ALDH5A1: variants seen among roughly 807,000 people sequenced by gnomAD.
ALDH5A1 encodes aldehyde dehydrogenase 5 family member A1.
Under a neutral mutation model 54.7 loss-of-function variants are expected in ALDH5A1, and 33 were observed. The observed-to-expected ratio is 0.60, with a 90% CI of 0.46 to 0.81. ALDH5A1 has a LOEUF of 0.81. ALDH5A1 is among the 30% of genes least tolerant of loss of function. The probability of loss-of-function intolerance (pLI) is 0.00; values close to 1 mark genes in which losing one functional copy is unlikely to be tolerated. For missense variants in ALDH5A1, 657 were observed against 711.0 expected (o/e 0.92, Z 0.86); for synonymous variants, 294 against 292.7 (o/e 1.00, Z -0.05).
intron 5 of ALDH5A1, among the ~76,000 whole-genome samples, chr6:24,520,158 C>T (rs1759651356): frequency 6.6e-6 from 1 of 152,150 alleles, no homozygotes. Flanking sequence ...CCCACTTCAG[C>T]CTCTTAAGGT....
Position 24,495,103 on chromosome 6 carries a change from G to C in ALDH5A1, c.107G>C (p.Gly36Ala). 1 of 1,317,512 alleles carries C rather than the reference G, an allele frequency of 7.6e-7. No homozygotes were observed. The allele number at this position is 1,317,512 out of a possible 1,614,324, so 81.6% of individuals were successfully genotyped here. A position where few individuals can be genotyped will look rare whatever the true frequency, so the allele number is the denominator to read the frequency against. ...GCCGGCGGCCTGGTCCCTGCCTCCGGGCCTGCGCCCGGCCCGGCCCAGCTC... is the reference window on the plus strand; with the variant it reads ...GCCGGCGGCCTGGTCCCTGCCTCCGCGCCTGCGCCCGGCCCGGCCCAGCTC... The part of the protein sequence containing the change: ...PRAGGLVPAS[G>A]PAPGPAQLRC... Residue 36 changes from glycine (G) to alanine (A), a missense_variant, in exon 1 of 10, where the codon GGG becomes GCG. Gly to Ala is a moderately conservative substitution (Grantham distance 60). Transcript: ENST00000357578.
At chr6:24,508,127 G>A (rs571922539) in intron 4 of ALDH5A1, among the ~76,000 whole-genome samples, 132 of 152,098 alleles carry the variant, frequency 8.7e-4, no homozygotes, top group African/African-American at 3.1e-3. Flanking sequence ...CACTTTGAGA[G>A]GCTGAGGCGG....
At chr6:24,513,608 G>C in intron 4 of ALDH5A1, among the ~76,000 whole-genome samples, 1 of 146,074 alleles carries the variant, frequency 6.8e-6, no homozygotes, top group Non-Finnish European at 1.5e-5. Flanking sequence ...TTCATCACAC[G>C]GCTCCCAGGG....
rs377625030 is a variant in ALDH5A1, at chr6:24,527,985, C to T, written c.1174-12C>T. Reference sequence around the variant, plus strand: ...ATCATGTGGAAAGCTTTTTTTCTTCCTCATTACACAGGTGGAGAAACAGGT... The same window carrying T: ...ATCATGTGGAAAGCTTTTTTTCTTCTTCATTACACAGGTGGAGAAACAGGT... On this transcript the variant is annotated splice_polypyrimidine_tract_variant and intron_variant, in intron 7 of 9. Transcript: ENST00000357578. The T allele has an allele frequency of 6.2e-7, 1 of 1,613,444 alleles. No homozygotes were observed. Among genetic ancestry groups the T allele is most frequent in the Middle Eastern group, 1.7e-4 (1 of 6,060 alleles).
intron 6 of ALDH5A1, 141 bp from the exon 7 acceptor site, chr6:24,522,626 T>C (rs1759716542): frequency 8.3e-6 from 8 of 963,970 alleles, no homozygotes; most frequent in Non-Finnish European, 1.1e-5. Context: ...CAAGCCCACG[T>C]GAGGAGGAAA....
At chr6:24,496,026 G>A (rs1764697500) in intron 1 of ALDH5A1, among the ~76,000 whole-genome samples, 1 of 152,142 alleles carries the variant, frequency 6.6e-6, no homozygotes, top group Admixed American at 6.6e-5. Flanking sequence ...TAAGAAAGTA[G>A]TTTCTTCCTT....
rs193259476 is a variant in ALDH5A1, at chr6:24,512,887, G to A, written c.727-2280G>A. On this transcript the variant is annotated intron_variant, in intron 4 of 9. Coordinates refer to ENST00000357578, the MANE Select transcript of ALDH5A1 (RefSeq NM_001080.3). ...GCATTTTTAGTAGAGACGGGGTTTT[G>A]CCATGTTGGCCAGGCTGGTCTGGAA... Among the ~76,000 whole-genome samples, 1,078 of 151,940 alleles carry A rather than the reference G, an allele frequency of 7.1e-3. 5 individuals carry two copies. The highest frequency in any genetic ancestry group is 0.01 in the Middle Eastern group (3 of 294).
intron 8 of ALDH5A1, among the ~76,000 whole-genome samples, chr6:24,529,518 C>T (rs1210507264): frequency 2.0e-5 from 3 of 151,904 alleles, no homozygotes; most frequent in African/African-American, 7.3e-5. Flanking sequence ...ATTCTTGCTT[C>T]TTTGAAAGAA....
At position 24,515,226 on chromosome 6, in the gene ALDH5A1, G is replaced by C. The variant is rs766715554; in HGVS notation, c.786G>C (p.Lys262Asn). The C allele has an allele frequency of 6.8e-6, 11 of 1,611,200 alleles. No homozygotes were observed. In the Admixed American group the frequency reaches 1.7e-4, roughly 25 times the overall value. ...GVYNVIPCSR[K>N]NAKEVGEAIC... ...ACAATGTTATTCCCTGTTCTCGAAA[G>C]AATGCCAAGGAAGTAGGGGAGGCAA... Residue 262 changes from lysine to asparagine, a missense_variant, in exon 5 of 10, where the codon AAG becomes AAC. Transcript: ENST00000357578.
chr6:24,497,826 G>A (rs1764744257), intron 1 of ALDH5A1, among the ~76,000 whole-genome samples: 1 of 152,170 alleles, frequency 6.6e-6, no homozygotes, highest in Admixed American at 6.5e-5. Flanking sequence ...AGGGGGCTGT[G>A]TCAGGGTTTT....
In ALDH5A1 at chr6:24,495,314, C is replaced by T. The variant is rs985818920; in HGVS notation, c.318C>T (p.Tyr106=). The change falls in exon 1 of 10, where the codon TAC becomes TAT. Residue 106 remains tyrosine, a synonymous_variant. Coordinates refer to ENST00000357578, the MANE Select transcript of ALDH5A1 (RefSeq NM_001080.3). ...REARAAVRAA[Y]EAFCRWREVS... ...CCCGCGCCGCCGTGCGCGCTGCCTA[C>T]GAGGCTTTCTGCCGCTGGAGGGAGG... The T allele has an allele frequency of 1.6e-5, 24 of 1,533,088 alleles. No individual in the cohort carries two copies. In the African/African-American group the frequency reaches 1.6e-4, roughly 11 times the overall value. 95.0% of individuals were successfully genotyped at this position (1,533,088 alleles called of 1,614,324 possible).
chr6:24,517,535 G>A (rs1224017995), intron 5 of ALDH5A1, among the ~76,000 whole-genome samples: 3 of 152,204 alleles, frequency 2.0e-5, no homozygotes, highest in Admixed American at 6.5e-5. Context: ...GGAAGCCTGG[G>A]AGAAAGCGTT....
chr6:24,528,509 C>T (rs1302363288), intron 8 of ALDH5A1, among the ~76,000 whole-genome samples: 3 of 151,846 alleles, frequency 2.0e-5, no homozygotes, highest in Admixed American at 6.6e-5. Flanking sequence ...ACTACAGGCA[C>T]CCACCACCAT....
chr6:24,510,714 T>A (rs1759443769), intron 4 of ALDH5A1, among the ~76,000 whole-genome samples: 1 of 152,210 alleles, frequency 6.6e-6, no homozygotes, highest in Non-Finnish European at 1.5e-5. Context: ...TAGGTGGGTC[T>A]CTTAAAGGCA....
At position 24,502,555 on chromosome 6, in the gene ALDH5A1, T is replaced by C; in HGVS notation, c.387T>C (p.Asn129=). 6.2e-7 allele frequency: 1 copy of C among 1,613,728 alleles called. No individual in the cohort carries two copies. Among genetic ancestry groups the C allele is most frequent in the South Asian group, 1.1e-5 (1 of 91,062 alleles). Residue 129 remains asparagine (N), a synonymous_variant, in exon 2 of 10, where the codon AAT becomes AAC. Transcript: ENST00000357578. ...ERSSLLRKWY[N]LMIQNKDDLA... ...GTTCATTACTTCGGAAGTGGTACAA[T>C]TTAATGATACAAAATAAGGATGACC...
intron 4 of ALDH5A1, among the ~76,000 whole-genome samples, chr6:24,511,542 T>C (rs1262936774): frequency 6.6e-6 from 1 of 152,146 alleles, no homozygotes; most frequent in Non-Finnish European, 1.5e-5. Flanking sequence ...TTTGTCTTTG[T>C]TGATTGGGTT....
At chr6:24,525,683 A>C (rs959438597) in intron 7 of ALDH5A1, among the ~76,000 whole-genome samples, 1 of 152,134 alleles carries the variant, frequency 6.6e-6, no homozygotes, top group Non-Finnish European at 1.5e-5. Flanking sequence ...ACCCCAGCCC[A>C]GCCTGAGCAA....
intron 4 of ALDH5A1, among the ~76,000 whole-genome samples, chr6:24,512,277 T>G (rs1046961273): frequency 1.3e-5 from 2 of 152,230 alleles, no homozygotes; most frequent in African/African-American, 4.8e-5. Flanking sequence ...AGGATCTGTA[T>G]GCTCTCCCAG....
rs112444827 is a variant in ALDH5A1 at position 24,530,408 on chromosome 6, T to A, written c.1344-1711T>A. 3.4e-3 allele frequency among the ~76,000 whole-genome samples: 522 copies of A among 152,330 alleles called. 3 individuals carry two copies. Among genetic ancestry groups the A allele is most frequent in the Non-Finnish European group, 6.0e-3 (405 of 68,020 alleles). On this transcript the variant is annotated intron_variant, in intron 8 of 9. Transcript: ENST00000357578. ...CTTCCACCATTTCTGTCTCCCGTGG[T>A]ATAGGTTGTGCTGCTTTATCTTTCT...
Sources: gnomAD v4.1 joint callset for allele counts (sites outside exome capture counted in the v4.1 genomes callset) on GRCh38, gnomAD v4.1.1 for gene constraint, MANE v1.5 for transcripts, NCBI Gene and HGNC (gene_info 2026-07-23, HGNC 2026-07-21) for gene names.